DOP1A: variants seen among roughly 807,000 people sequenced by gnomAD.
The protein encoded by DOP1A is DOP1 leucine zipper like protein A.
In DOP1A, 90 loss-of-function variants were observed where a neutral mutation model predicts 267.6. The ratio of observed to expected loss-of-function variants is 0.34; its 90% CI spans 0.28 to 0.40. DOP1A has a LOEUF of 0.40. Among genes scored for constraint, DOP1A ranks in the 10% least tolerant of loss-of-function variants. The probability of loss-of-function intolerance (pLI) is 1.00; values close to 1 mark genes in which losing one functional copy is unlikely to be tolerated. For synonymous variants in DOP1A, 932 were observed against 999.1 expected, an observed-to-expected ratio of 0.93 and a Z score of 1.27; for missense variants, 2,437 against 2,900.4, an observed-to-expected ratio of 0.84 and a Z score of 3.67.
At chr6:83,158,664 C>T (rs1218786846) in intron 36 of DOP1A, 42 bp downstream of exon 36, 2 of 1,365,260 alleles carry the variant, frequency 1.5e-6, no homozygotes, top group Middle Eastern at 1.9e-4. Flanking sequence ...TTTTTTAATA[C>T]CCTGAAATTA....
At chr6:83,118,272 C>G (rs1314046103) in intron 7 of DOP1A, among the ~76,000 whole-genome samples, 2 of 151,906 alleles carry the variant, frequency 1.3e-5, no homozygotes, top group African/African-American at 4.8e-5. Flanking sequence ...AGCTAAAACC[C>G]AGATCTCCTT....
At chr6:83,081,292 G>C (rs1323489258) in intron 1 of DOP1A, among the ~76,000 whole-genome samples, 1 of 152,062 alleles carries the variant, frequency 6.6e-6, no homozygotes, top group Non-Finnish European at 1.5e-5. Context: ...ATTTTTAATA[G>C]AGACAAGGTT....
Position 83,130,142 on chromosome 6 carries a change from T to A in DOP1A, c.2361T>A (p.Pro787=). 1 of 1,613,984 alleles carries A rather than the reference T, an allele frequency of 6.2e-7. No homozygotes were observed. Among genetic ancestry groups the A allele is most frequent in the Non-Finnish European group, 8.5e-7 (1 of 1,179,908 alleles). ...KLETDCEHVQ[P]PQWLQTLMNA... is the part of the protein sequence containing the mutation. ...TTTCAGACTGTGAGCATGTGCAGCCTCCACAGTGGCTCCAGACTCTGATGA... is the reference window on the plus strand; with the variant it reads ...TTTCAGACTGTGAGCATGTGCAGCCACCACAGTGGCTCCAGACTCTGATGA... The change falls in exon 17 of 39, where the codon CCT becomes CCA. Residue 787 remains proline, a synonymous_variant. Coordinates refer to ENST00000349129, the MANE Select transcript of DOP1A (RefSeq NM_015018.4).
chr6:83,128,945 C>A lies in DOP1A; in HGVS notation c.1778C>A (p.Pro593Gln), dbSNP rs763776755. Reference sequence around the variant, plus strand: ...GTGTTTGAAGATGGAGAAAATCCACCAAGTAGTCGATCATCAGAGAGTGGA... The same window carrying A: ...GTGTTTGAAGATGGAGAAAATCCACAAAGTAGTCGATCATCAGAGAGTGGA... Reference protein sequence around the residue: ...TEVFEDGENPPSSRSSESGFT... With the variant: ...TEVFEDGENPQSSRSSESGFT... The change falls in exon 16 of 39, where the codon CCA (proline) becomes CAA (glutamine). Residue 593 changes from proline to glutamine, a missense_variant. Pro to Gln is a moderately conservative substitution (Grantham distance 76, BLOSUM62 -1). Transcript: ENST00000349129. 6.4e-6 allele frequency: 10 copies of A among 1,567,324 alleles called. No homozygotes were observed. Among genetic ancestry groups the A allele is most frequent in the Non-Finnish European group, 8.7e-6 (10 of 1,155,954 alleles).
At chr6:83,167,455 T>C in intron 38 of DOP1A, 1 of 985,606 alleles carries the variant, frequency 1.0e-6, no homozygotes, top group Non-Finnish European at 1.2e-6. Flanking sequence ...TATTATGAAA[T>C]GTATAAAGCA....
chr6:83,113,481 G>C, intron 7 of DOP1A, 60 bp downstream of exon 7: 1 of 1,369,290 alleles, frequency 7.3e-7, no homozygotes, highest in Non-Finnish European at 1.0e-6. Context: ...GATTGATAAT[G>C]TGTAGTTATT....
chr6:83,142,086 T>C, intron 24 of DOP1A, 40 bp downstream of exon 24: 1 of 1,605,338 alleles, frequency 6.2e-7, no homozygotes, highest in Admixed American at 1.7e-5. Context: ...TTTTTGCATT[T>C]GGTGAGTACA....
At chr6:83,080,309 T>C (rs1470824925) in intron 1 of DOP1A, among the ~76,000 whole-genome samples, 2 of 152,218 alleles carry the variant, frequency 1.3e-5, no homozygotes, top group Non-Finnish European at 2.9e-5. Flanking sequence ...CTTCTTTCTA[T>C]AGATACTGTT....
intron 19 of DOP1A, among the ~76,000 whole-genome samples, chr6:83,135,418 C>A (rs1203080855): frequency 6.6e-6 from 1 of 150,610 alleles, no homozygotes. Flanking sequence ...TTTAAAAGGG[C>A]AAAAGGTTTT....
intron 1 of DOP1A, among the ~76,000 whole-genome samples, chr6:83,073,932 G>T (rs1786035960): frequency 6.6e-6 from 1 of 152,172 alleles, no homozygotes; most frequent in Non-Finnish European, 1.5e-5. Context: ...TACAGTGTCT[G>T]TTATGGCCTT....
At chr6:83,088,082 C>A (rs1200909930) in intron 1 of DOP1A, among the ~76,000 whole-genome samples, 2 of 152,084 alleles carry the variant, frequency 1.3e-5, no homozygotes, top group Non-Finnish European at 2.9e-5. Flanking sequence ...CCGTGTTAGC[C>A]AGGATGGTCT....
rs775255109 is a variant in DOP1A at position 83,139,172 on chromosome 6, G to T, written c.5120+10G>T. 8 of 1,590,988 alleles carry T rather than the reference G, an allele frequency of 5.0e-6. No homozygotes were observed. In the South Asian group the frequency reaches 9.0e-5, roughly 18 times the overall value. The stretch of plus-strand genomic sequence containing the variant: ...GATTATCTGATAGTAGGTAAGAGGT[G>T]ATTTTTAACTTTATTGGTACTGACA... On this transcript the variant is annotated intron_variant, in intron 21 of 38. Transcript: ENST00000349129.
rs139469951 is a variant in DOP1A, at chr6:83,152,491, T to C, written c.6129+124T>C. On this transcript the variant is annotated intron_variant, in intron 30 of 38. Transcript: ENST00000349129. Reference sequence around the variant, plus strand: ...TATTTTGTGCTTCTAGAAATCACTATATAGAATTAATATAAAGTTTTGGCC... The same window carrying C: ...TATTTTGTGCTTCTAGAAATCACTACATAGAATTAATATAAAGTTTTGGCC... 1.9e-3 allele frequency: 778 copies of C among 417,096 alleles called. 1 individual carries two copies. The highest frequency in any genetic ancestry group is 2.6e-3 in the Non-Finnish European group (627 of 241,664). 25.8% of individuals were successfully genotyped at this position (417,096 alleles called of 1,614,324 possible).
At chr6:83,102,635 G>A (rs894666447) in intron 4 of DOP1A, among the ~76,000 whole-genome samples, 1 of 152,142 alleles carries the variant, frequency 6.6e-6, no homozygotes, top group Non-Finnish European at 1.5e-5. Flanking sequence ...GCCTAACATT[G>A]ATCCACCATC....
At chr6:83,096,597 A>G in intron 1 of DOP1A, 134 bp from the exon 2 acceptor site, 2 of 397,494 alleles carry the variant, frequency 5.0e-6, no homozygotes, top group East Asian at 7.1e-5. Context: ...AAAGTAGAGG[A>G]GCATATATAT....
chr6:83,086,717 G>A (rs1308991036), intron 1 of DOP1A, among the ~76,000 whole-genome samples: 1 of 152,204 alleles, frequency 6.6e-6, no homozygotes, highest in Non-Finnish European at 1.5e-5. Flanking sequence ...CACATTATGG[G>A]TGATTTTTAT....
chr6:83,157,800 G>A (rs993397163), intron 35 of DOP1A, among the ~76,000 whole-genome samples: 2 of 151,948 alleles, frequency 1.3e-5, no homozygotes, highest in African/African-American at 2.4e-5. Context: ...CCTACCAAAC[G>A]GTAAAACCTT....
intron 6 of DOP1A, among the ~76,000 whole-genome samples, chr6:83,112,035 A>G (rs748697575): frequency 2.0e-5 from 3 of 152,170 alleles, no homozygotes; most frequent in Non-Finnish European, 2.9e-5. Flanking sequence ...CAAAATGGCT[A>G]TGCTTTTTAA....
rs1562306362 is a variant in DOP1A, at chr6:83,108,968, A to G, written c.379A>G (p.Ser127Gly). Residue 127 changes from serine (S) to glycine (G), a missense_variant, in exon 5 of 39, where the codon AGT becomes GGT. By Grantham distance (56) the Ser-to-Gly change is moderately conservative. Coordinates refer to ENST00000349129, the MANE Select transcript of DOP1A (RefSeq NM_015018.4). Reference protein sequence around the residue: ...AAMSVKPTLLSLYEIYYLPLG... With the variant: ...AAMSVKPTLLGLYEIYYLPLG... The stretch of plus-strand genomic sequence containing the variant: ...CATGTCTGTGAAACCAACATTGCTC[A>G]GTTTGTATGAGATATATTATCTGCC... 2 of 1,613,690 alleles carry G rather than the reference A, an allele frequency of 1.2e-6. No homozygotes were observed. The highest frequency in any genetic ancestry group is 1.7e-6 in the Non-Finnish European group (2 of 1,179,828).
Sources: gnomAD v4.1 joint callset for allele counts (sites outside exome capture counted in the v4.1 genomes callset) on GRCh38, gnomAD v4.1.1 for gene constraint, MANE v1.5 for transcripts, NCBI Gene and HGNC (gene_info 2026-07-23, HGNC 2026-07-21) for gene names.